Variants in DPP10 observed in about 807,000 individuals in gnomAD.
DPP10 encodes the protein dipeptidyl peptidase like 10.
DPP10 carries 33 observed loss-of-function variants against 120.9 expected under a neutral mutation model. That is an observed-to-expected ratio of 0.27 (90% CI 0.21 to 0.37). DPP10 has a LOEUF of 0.37. Among genes scored for constraint, DPP10 ranks in the 10% least tolerant of loss-of-function variants. The probability of loss-of-function intolerance (pLI) is 1.00; values close to 1 mark genes in which losing one functional copy is unlikely to be tolerated. For missense variants in DPP10, 816 were observed against 942.8 expected (o/e 0.87, Z 1.76); for synonymous variants, 337 against 326.1 (o/e 1.03, Z -0.36).
At chr2:114,570,511 C>T (rs1002991817) in intron 1 of DPP10, among the ~76,000 whole-genome samples, 1 of 151,986 alleles carries the variant, frequency 6.6e-6, no homozygotes, top group African/African-American at 2.4e-5. Flanking sequence ...GATGGGGGAA[C>T]TTGAAATTAT....
At chr2:115,543,813 A>G (rs1419037508) in intron 5 of DPP10, among the ~76,000 whole-genome samples, 1 of 152,000 alleles carries the variant, frequency 6.6e-6, no homozygotes, top group Non-Finnish European at 1.5e-5. Flanking sequence ...TTAACATTTG[A>G]TTGTTATTCC....
At chr2:115,151,715 A>ATT (rs1200514817) in intron 1 of DPP10, among the ~76,000 whole-genome samples, 1,405 of 139,880 alleles carry the variant, frequency 0.01, 7 homozygotes, top group Non-Finnish European at 0.017. Flanking sequence ...TCAGTATTGA[A>ATT]TTTTTTTTTT....
At chr2:115,476,557 G>A (rs2075095582) in intron 3 of DPP10, among the ~76,000 whole-genome samples, 1 of 152,164 alleles carries the variant, frequency 6.6e-6, no homozygotes. Flanking sequence ...GGGGTAAGAT[G>A]CCACACATAT....
chr2:115,299,186 G>A (rs1385219056), intron 1 of DPP10, among the ~76,000 whole-genome samples: 3 of 151,942 alleles, frequency 2.0e-5, no homozygotes, highest in Non-Finnish European at 4.4e-5. Flanking sequence ...CGTGTATTCT[G>A]TTCCTAACAT....
At chr2:115,382,259 G>A (rs1165666406) in intron 3 of DPP10, among the ~76,000 whole-genome samples, 1 of 152,154 alleles carries the variant, frequency 6.6e-6, no homozygotes, top group Non-Finnish European at 1.5e-5. Flanking sequence ...ATAATCTCCT[G>A]GTGTGCTGTT....
chr2:115,161,771 AC>A, intron 1 of DPP10: 2 of 496,100 alleles, frequency 4.0e-6, no homozygotes, highest in Non-Finnish European at 6.7e-6. Flanking sequence ...CGAGGGAGGG[AC>A]CCTACGACGG....
chr2:115,823,213 T>A (rs1687984827), intron 21 of DPP10, among the ~76,000 whole-genome samples: 2 of 152,154 alleles, frequency 1.3e-5, no homozygotes, highest in South Asian at 4.1e-4. Context: ...TCTTTGATGC[T>A]TTTGTTGCAT....
At chr2:115,475,543 G>T (rs531132446) in intron 3 of DPP10, among the ~76,000 whole-genome samples, 1 of 152,310 alleles carries the variant, frequency 6.6e-6, no homozygotes, top group Admixed American at 6.5e-5. Context: ...TCCCCACACA[G>T]AATCCCCAGT....
intron 1 of DPP10, among the ~76,000 whole-genome samples, chr2:114,805,524 A>C (rs1684648509): frequency 6.6e-6 from 1 of 152,242 alleles, no homozygotes; most frequent in African/African-American, 2.4e-5. Flanking sequence ...AAAACCTAAT[A>C]TAAACAAACA....
intron 1 of DPP10, among the ~76,000 whole-genome samples, chr2:115,270,011 T>A (rs2059620832): frequency 6.6e-6 from 1 of 151,812 alleles, no homozygotes; most frequent in Non-Finnish European, 1.5e-5. Context: ...ACTGGATACT[T>A]CTTTATCCTA....
intron 1 of DPP10, among the ~76,000 whole-genome samples, chr2:114,980,100 C>A (rs2104848180): frequency 6.6e-6 from 1 of 152,092 alleles, no homozygotes; most frequent in East Asian, 1.9e-4. Flanking sequence ...TTTGTTTTAG[C>A]TTTATCAATG....
chr2:115,568,109 C>T lies in DPP10; in HGVS notation c.441+42137C>T, dbSNP rs975781184. On this transcript the variant is annotated intron_variant, in intron 5 of 25. Coordinates refer to ENST00000410059, the MANE Select transcript of DPP10 (RefSeq NM_020868.6). ...AGGACAGCCACTTGAACCCTGGAGG[C>T]AGAGGTTGCAGTGAGCCGAGATTGC... 2.6e-5 allele frequency among the ~76,000 whole-genome samples: 4 copies of T among 151,090 alleles called. No individual in the cohort carries two copies. In the East Asian group the frequency reaches 7.8e-4, roughly 29 times the overall value.
chr2:115,135,269 T>C (rs1175988996), intron 1 of DPP10, among the ~76,000 whole-genome samples: 3 of 151,696 alleles, frequency 2.0e-5, no homozygotes, highest in Non-Finnish European at 2.9e-5. Flanking sequence ...TATGAGCAAA[T>C]AGAACATAAT....
chr2:114,456,513 A>AT (rs1028213515), intron 1 of DPP10, among the ~76,000 whole-genome samples: 6 of 152,108 alleles, frequency 3.9e-5, no homozygotes, highest in Non-Finnish European at 7.4e-5. Context: ...AACATTTTAG[A>AT]TTTTTTTTGT....
chr2:114,642,933 G>A (rs1695819793), intron 1 of DPP10, among the ~76,000 whole-genome samples: 1 of 151,852 alleles, frequency 6.6e-6, no homozygotes, highest in Admixed American at 6.5e-5. Context: ...TACTTTATTA[G>A]TTGTTAATAG....
intron 5 of DPP10, among the ~76,000 whole-genome samples, chr2:115,655,480 T>C (rs1460077564): frequency 6.6e-6 from 1 of 151,678 alleles, no homozygotes; most frequent in African/African-American, 2.4e-5. Flanking sequence ...ATTTAGAATC[T>C]GTAAAAGGTA....
intron 1 of DPP10, among the ~76,000 whole-genome samples, chr2:115,246,354 G>C (rs1049854775): frequency 6.6e-6 from 1 of 152,118 alleles, no homozygotes; most frequent in Non-Finnish European, 1.5e-5. Context: ...AATTACCTAG[G>C]TGCTCTGGTA....
intron 1 of DPP10, among the ~76,000 whole-genome samples, chr2:114,544,252 A>G (rs1281113487): frequency 6.6e-6 from 1 of 152,226 alleles, no homozygotes; most frequent in Non-Finnish European, 1.5e-5. Flanking sequence ...ATGTGAGTCA[A>G]GACTCAAGGA....
At chr2:115,024,199 G>A (rs1313654886) in intron 1 of DPP10, among the ~76,000 whole-genome samples, 2 of 152,010 alleles carry the variant, frequency 1.3e-5, no homozygotes, top group Non-Finnish European at 2.9e-5. Context: ...AACATATTTG[G>A]ATATTTATAT....
Sources: gnomAD v4.1 joint callset for allele counts (sites outside exome capture counted in the v4.1 genomes callset) on GRCh38, gnomAD v4.1.1 for gene constraint, MANE v1.5 for transcripts, NCBI Gene and HGNC (gene_info 2026-07-23, HGNC 2026-07-21) for gene names.